CDC73: variants seen among roughly 807,000 people sequenced by gnomAD.
CDC73 encodes the protein parafibromin.
A neutral mutation model predicts 83.7 loss-of-function variants in CDC73; 21 were observed. That is an observed-to-expected ratio of 0.25 (90% CI 0.18 to 0.36). The LOEUF is 0.36. Among genes scored for constraint, CDC73 ranks in the 10% least tolerant of loss-of-function variants. The pLI, the probability that CDC73 is intolerant of heterozygous loss-of-function variation, is 1.00. For synonymous variants in CDC73, 224 were observed against 212.9 expected, an observed-to-expected ratio of 1.05 and a Z score of -0.45; for missense variants, 342 against 653.3, an observed-to-expected ratio of 0.52 and a Z score of 5.19.
chr1:193,165,623 T>C (rs1369159081), intron 10 of CDC73, among the ~76,000 whole-genome samples: 1 of 152,260 alleles, frequency 6.6e-6, no homozygotes. Flanking sequence ...TTTACTCATT[T>C]GATTGTATTT....
intron 10 of CDC73, among the ~76,000 whole-genome samples, chr1:193,196,247 G>A (rs1677001891): frequency 6.6e-6 from 1 of 152,186 alleles, no homozygotes; most frequent in African/African-American, 2.4e-5. Flanking sequence ...TGAAAAGGCT[G>A]TCCTTTCCTT....
chr1:193,156,149 A>G (rs1035604347), intron 10 of CDC73, among the ~76,000 whole-genome samples: 4 of 152,220 alleles, frequency 2.6e-5, no homozygotes, highest in Admixed American at 1.3e-4. Context: ...TTAGTTTGCA[A>G]GGAACCAATT....
intron 3 of CDC73, among the ~76,000 whole-genome samples, chr1:193,132,641 T>G (rs918137798): frequency 2.6e-5 from 4 of 151,866 alleles, no homozygotes; most frequent in African/African-American, 9.7e-5. Flanking sequence ...CAAAGCAAAT[T>G]TGATTCTTTG....
chr1:193,251,063 A>G lies in CDC73; in HGVS notation c.*351A>G. 3.2e-6 allele frequency: 1 copy of G among 309,854 alleles called. No individual in the cohort carries two copies. The highest frequency in any genetic ancestry group is 2.1e-5 in the African/African-American group (1 of 47,134). The allele number at this position is 309,854 out of a possible 1,614,324, so 19.2% of individuals were successfully genotyped here. ...TCTCTGAGCCATCTTCTGATTTTTC[A>G]TTGCTCTATAATTCTTTTTACTGAA... On this transcript the variant is annotated 3_prime_UTR_variant, in exon 17 of 17. Coordinates refer to ENST00000367435, the MANE Select transcript of CDC73 (RefSeq NM_024529.5).
chr1:193,234,170 C>CTT (rs1677709549), intron 14 of CDC73, among the ~76,000 whole-genome samples: 2 of 75,552 alleles, frequency 2.6e-5, no homozygotes, highest in African/African-American at 9.5e-5. Flanking sequence ...CTCTCTCTCT[C>CTT]TCTCTCACAC....
chr1:193,142,084 C>T lies in CDC73; in HGVS notation c.729+18C>T, dbSNP rs767669963. 7.6e-6 allele frequency: 12 copies of T among 1,572,754 alleles called. No homozygotes were observed. In the East Asian group the frequency reaches 9.0e-5, roughly 12 times the overall value. Reference sequence around the variant, plus strand: ...CAGGAAAGGTAATTAAAATATTTTACTCATTCATTGGAGTGAGAGAGAGAG... The same window carrying T: ...CAGGAAAGGTAATTAAAATATTTTATTCATTCATTGGAGTGAGAGAGAGAG... On this transcript the variant is annotated intron_variant, in intron 7 of 16. Transcript: ENST00000367435.
At chr1:193,205,041 C>A (rs1053362849) in intron 11 of CDC73, among the ~76,000 whole-genome samples, 3 of 152,060 alleles carry the variant, frequency 2.0e-5, no homozygotes, top group Non-Finnish European at 4.4e-5. Flanking sequence ...ATTCTTCCCC[C>A]TATTCCTAGT....
At chr1:193,244,055 T>C (rs1255678325) in intron 15 of CDC73, among the ~76,000 whole-genome samples, 3 of 152,126 alleles carry the variant, frequency 2.0e-5, no homozygotes, top group Non-Finnish European at 4.4e-5. Flanking sequence ...AGTGAAAAAG[T>C]AAAAAATTGG....
chr1:193,191,512 C>A (rs373866172), intron 10 of CDC73, among the ~76,000 whole-genome samples: 1 of 152,060 alleles, frequency 6.6e-6, no homozygotes, highest in Admixed American at 6.6e-5. Flanking sequence ...GTCAGCCACC[C>A]GAGTAGCTGG....
At chr1:193,187,587 C>G (rs753830889) in intron 10 of CDC73, among the ~76,000 whole-genome samples, 2 of 152,110 alleles carry the variant, frequency 1.3e-5, no homozygotes, top group Non-Finnish European at 2.9e-5. Context: ...CTCTGTGACT[C>G]TAGGGACAGT....
At chr1:193,246,836 T>G (rs2102070779) in intron 15 of CDC73, among the ~76,000 whole-genome samples, 1 of 152,312 alleles carries the variant, frequency 6.6e-6, no homozygotes, top group Non-Finnish European at 1.5e-5. Flanking sequence ...AACATTTTTC[T>G]GAACCTCTGT....
chr1:193,158,144 A>G (rs896153893), intron 10 of CDC73, among the ~76,000 whole-genome samples: 3 of 151,832 alleles, frequency 2.0e-5, no homozygotes, highest in South Asian at 2.1e-4. Flanking sequence ...ATTCAAAGTT[A>G]TAAAGACTAG....
intron 10 of CDC73, among the ~76,000 whole-genome samples, chr1:193,197,375 G>A (rs1314990165): frequency 6.6e-6 from 1 of 152,100 alleles, no homozygotes; most frequent in Non-Finnish European, 1.5e-5. Context: ...CATAAAGAGT[G>A]TTAAAAGAAA....
chr1:193,124,755 A>G (rs1317750183), intron 1 of CDC73, among the ~76,000 whole-genome samples: 1 of 152,216 alleles, frequency 6.6e-6, no homozygotes, highest in Non-Finnish European at 1.5e-5. Flanking sequence ...ACCAGTGATA[A>G]TTGTGCTTCT....
chr1:193,163,578 A>T (rs1572169331), intron 10 of CDC73, among the ~76,000 whole-genome samples: 1 of 152,192 alleles, frequency 6.6e-6, no homozygotes, highest in South Asian at 2.1e-4. Flanking sequence ...TGATATTGGA[A>T]AATATTTTTC....
At chr1:193,183,735 GAA>G (rs1676758827) in intron 10 of CDC73, among the ~76,000 whole-genome samples, 1 of 151,680 alleles carries the variant, frequency 6.6e-6, no homozygotes, top group African/African-American at 2.4e-5. Flanking sequence ...AAATTCAAAA[GAA>G]ACAAAAGTTG....
chr1:193,146,113 A>C (rs980733998), intron 7 of CDC73, among the ~76,000 whole-genome samples: 1 of 152,068 alleles, frequency 6.6e-6, no homozygotes, highest in Non-Finnish European at 1.5e-5. Context: ...AAAGAAGAGA[A>C]ATTATGTTGT....
intron 13 of CDC73, among the ~76,000 whole-genome samples, chr1:193,222,832 AC>A (rs1306960330): frequency 6.8e-6 from 1 of 147,744 alleles, no homozygotes; most frequent in East Asian, 2.0e-4. Context: ...CTTAAATGAG[AC>A]ATACTTTAGA....
At chr1:193,172,675 T>A (rs1210977189) in intron 10 of CDC73, among the ~76,000 whole-genome samples, 3 of 152,168 alleles carry the variant, frequency 2.0e-5, no homozygotes, top group Non-Finnish European at 4.4e-5. Context: ...TTGCTTTCTA[T>A]CAGTTGTGAA....
Sources: allele counts gnomAD v4.1 joint callset (sites outside exome capture counted in the v4.1 genomes callset), GRCh38; gene constraint gnomAD v4.1.1; transcripts MANE v1.5; gene names NCBI Gene and HGNC (gene_info 2026-07-23, HGNC 2026-07-21).